The following ATE1 variants were observed in gnomAD, a reference collection of about 807,000 sequenced individuals.
The protein encoded by ATE1 is arginyl-tRNA--protein transferase 1.
ATE1 carries 36 observed loss-of-function variants against 70.5 expected under a neutral mutation model. That is an observed-to-expected ratio of 0.51 (90% confidence interval 0.39 to 0.67). The LOEUF is 0.67. Among genes scored for constraint, ATE1 ranks in the 30% least tolerant of loss-of-function variants. ATE1 has a pLI of 0.00. For synonymous variants in ATE1, 232 were observed against 219.3 expected (o/e 1.06, Z -0.51); for missense variants, 593 against 629.5 (o/e 0.94, Z 0.62).
chr10:121,866,531 G>T (rs1379439190), intron 8 of ATE1, among the ~76,000 whole-genome samples: 3 of 152,056 alleles, frequency 2.0e-5, no homozygotes, highest in Non-Finnish European at 4.4e-5. Flanking sequence ...TACTTAACCA[G>T]AGTAGTAATA....
intron 10 of ATE1, among the ~76,000 whole-genome samples, chr10:121,793,322 T>C (rs1946528500): frequency 6.6e-6 from 1 of 152,208 alleles, no homozygotes; most frequent in African/African-American, 2.4e-5. Flanking sequence ...TGGTTTAAAA[T>C]GGTGAAACAC....
chr10:121,842,582 T>C (rs762021819), intron 8 of ATE1, among the ~76,000 whole-genome samples: 5 of 152,014 alleles, frequency 3.3e-5, no homozygotes, highest in African/African-American at 7.3e-5. Context: ...CTCAACAAAA[T>C]ATTAGCAAAT....
At chr10:121,884,839 CACAGACT>C (rs1383363408) in intron 7 of ATE1, among the ~76,000 whole-genome samples, 1 of 152,222 alleles carries the variant, frequency 6.6e-6, no homozygotes, top group Non-Finnish European at 1.5e-5. Context: ...CGGACCTTGA[CACAGACT>C]ACAATACACA....
chr10:121,783,949 G>A (rs1208729936), intron 11 of ATE1, among the ~76,000 whole-genome samples: 2 of 152,018 alleles, frequency 1.3e-5, no homozygotes, highest in Non-Finnish European at 2.9e-5. Flanking sequence ...GCAGTGGCGC[G>A]ATCACAGCTC....
intron 11 of ATE1, among the ~76,000 whole-genome samples, chr10:121,785,148 T>C (rs1158088840): frequency 1.3e-5 from 2 of 152,188 alleles, no homozygotes; most frequent in Non-Finnish European, 2.9e-5. Context: ...GCAACATCAT[T>C]CATTTTGCAA....
intron 8 of ATE1, among the ~76,000 whole-genome samples, chr10:121,861,894 G>A (rs997984145): frequency 2.6e-5 from 4 of 152,162 alleles, no homozygotes; most frequent in Admixed American, 2.6e-4. Flanking sequence ...TTGCCCAAAT[G>A]ATCAAGCCAC....
intron 7 of ATE1, among the ~76,000 whole-genome samples, chr10:121,892,706 G>A (rs1261731589): frequency 1.3e-5 from 2 of 151,820 alleles, no homozygotes; most frequent in East Asian, 4.0e-4. Context: ...CCCTCCAGAG[G>A]GTTTCACCAT....
At chr10:121,810,620 C>T (rs1050363971) in intron 10 of ATE1, among the ~76,000 whole-genome samples, 3 of 152,130 alleles carry the variant, frequency 2.0e-5, no homozygotes, top group Non-Finnish European at 1.5e-5. Flanking sequence ...TTACATATGA[C>T]TAGTATGACT....
At chr10:121,924,555 C>A (rs12262118) in intron 1 of ATE1, among the ~76,000 whole-genome samples, 19,284 of 151,984 alleles carry the variant, frequency 0.13, 1,424 homozygotes, top group Middle Eastern at 0.17. Flanking sequence ...AAAAATTTAG[C>A]TGGGCATAGT....
At chr10:121,925,098 G>T (rs1323933791) in intron 1 of ATE1, among the ~76,000 whole-genome samples, 1 of 152,160 alleles carries the variant, frequency 6.6e-6, no homozygotes, top group East Asian at 1.9e-4. Context: ...AGAAAAGTAT[G>T]TAACAATATT....
intron 8 of ATE1, among the ~76,000 whole-genome samples, chr10:121,855,040 T>A (rs1330368598): frequency 6.6e-6 from 1 of 151,868 alleles, no homozygotes; most frequent in Non-Finnish European, 1.5e-5. Flanking sequence ...ATAAGGGGAG[T>A]TACACAGACA....
chr10:121,853,669 TA>T (rs1008359560), intron 8 of ATE1, among the ~76,000 whole-genome samples: 222 of 151,332 alleles, frequency 1.5e-3, no homozygotes, highest in African/African-American at 3.9e-3. Context: ...AAATCATTGT[TA>T]AAAAAAAATA....
At chr10:121,924,558 G>A (rs1952010522) in intron 1 of ATE1, among the ~76,000 whole-genome samples, 1 of 151,902 alleles carries the variant, frequency 6.6e-6, no homozygotes, top group Admixed American at 6.6e-5. Context: ...AATTTAGCTG[G>A]GCATAGTGGC....
chr10:121,842,066 G>A (rs746582936), intron 8 of ATE1, among the ~76,000 whole-genome samples: 1 of 152,134 alleles, frequency 6.6e-6, no homozygotes, highest in Non-Finnish European at 1.5e-5. Flanking sequence ...GCTCTGAGAA[G>A]GTACACAATC....
chr10:121,924,419 G>T (rs887278104), intron 1 of ATE1, 90 bp from the exon 2 acceptor site: 52 of 1,273,248 alleles, frequency 4.1e-5, no homozygotes, highest in Middle Eastern at 3.9e-4. Flanking sequence ...AGGAGTGTGT[G>T]TCCGGGCACG....
In ATE1 at chr10:121,910,908, G is replaced by A. The variant is rs1951396131; in HGVS notation, c.581C>T (p.Pro194Leu). 1.2e-6 allele frequency: 2 copies of A among 1,612,802 alleles called. No homozygotes were observed. Among genetic ancestry groups the A allele is most frequent in the African/African-American group, 1.3e-5 (1 of 74,840 alleles). Residue 194 changes from proline (P) to leucine (L), a missense_variant and splice_region_variant, in exon 5 of 12, where the codon CCA becomes CTA. Around this residue, in one of 3 missense-constraint regions of ATE1, gnomAD observed 467 missense variants for 469.6 expected, o/e 0.99. Transcript: ENST00000224652. ...TTGGTATCAAAAATCTTTACTACCT[G>A]GCTTAGGAACTGTGTGAACTTTAAC... is the stretch of plus-strand genomic sequence containing the variant. ...HSVKVHTVPKPGKGADLSKPP... is the reference protein window; with the variant it reads ...HSVKVHTVPKLGKGADLSKPP...
At chr10:121,862,532 A>ATTTTTTTTTT (rs35130703) in intron 8 of ATE1, among the ~76,000 whole-genome samples, 138 of 105,368 alleles carry the variant, frequency 1.3e-3, no homozygotes, top group Non-Finnish European at 1.8e-3. Context: ...AATTTTTTTA[A>ATTTTTTTTTT]TTTTTTTTTT....
intron 10 of ATE1, among the ~76,000 whole-genome samples, chr10:121,821,899 C>A (rs1947814051): frequency 6.6e-6 from 1 of 152,164 alleles, no homozygotes; most frequent in Non-Finnish European, 1.5e-5. Context: ...CCACTCCCTA[C>A]ACACCCATCA....
At chr10:121,855,031 T>C (rs1355048650) in intron 8 of ATE1, among the ~76,000 whole-genome samples, 2 of 152,068 alleles carry the variant, frequency 1.3e-5, no homozygotes, top group Non-Finnish European at 2.9e-5. Context: ...GCTGCACAGA[T>C]AAGGGGAGTT....
Sources: gnomAD v4.1 joint callset for allele counts (sites outside exome capture counted in the v4.1 genomes callset) on GRCh38, gnomAD v4.1.1 for gene constraint, gnomAD v4.1.1 regional missense constraint, MANE v1.5 for transcripts, NCBI Gene and HGNC (gene_info 2026-07-23, HGNC 2026-07-21) for gene names.